The following MLKL variants were observed in gnomAD, a reference collection of about 807,000 sequenced individuals.
MLKL encodes mixed lineage kinase domain like pseudokinase.
Under a neutral mutation model 56.5 loss-of-function variants are expected in MLKL, and 55 were observed. The observed-to-expected ratio is 0.97, with a 90% confidence interval of 0.78 to 1.22. The LOEUF (loss-of-function observed/expected upper bound fraction) is 1.22. Among genes scored for constraint, MLKL ranks in the 50% most tolerant of loss-of-function variants. The pLI is 0.00. For synonymous variants in MLKL, 251 were observed against 208.3 expected (o/e 1.20, Z -1.76); for missense variants, 694 against 573.9 (o/e 1.21, Z -2.14).
chr16:74,675,113 G>A lies in MLKL; in HGVS notation c.1241-13C>T, dbSNP rs375793635. On this transcript the variant is annotated splice_polypyrimidine_tract_variant and intron_variant, in intron 9 of 10. Transcript: ENST00000308807. ...TCAGAATTACAGCCTGGAAATGATA[G>A]CATGAGAGCCTCAAAAAATTGCTCC... 8 of 1,613,226 alleles carry A rather than the reference G, an allele frequency of 5.0e-6. No homozygotes were observed. The South Asian group carries it at 5.5e-5, about 11-fold the overall frequency.
chr16:74,692,456 TA>T, intron 2 of MLKL, 40 bp from the exon 3 acceptor site: 1 of 1,514,278 alleles, frequency 6.6e-7, no homozygotes, highest in Admixed American at 1.9e-5. Context: ...AAATAGATAT[TA>T]AAATCACACG....
Position 74,682,640 on chromosome 16 carries a change from C to T in MLKL, c.956+11G>A, listed in dbSNP as rs759903556. ...TCCAACCCTTAGTGGCGCCTTTTCA[C>T]CCCGTCTTACCGGTATAGGCCTCGG... On this transcript the variant is annotated intron_variant, in intron 6 of 10. Coordinates refer to ENST00000308807, the MANE Select transcript of MLKL (RefSeq NM_152649.4). 1.2e-6 allele frequency: 2 copies of T among 1,613,440 alleles called. No individual in the cohort carries two copies. The highest frequency in any genetic ancestry group is 1.7e-6 in the Non-Finnish European group (2 of 1,179,836).
chr16:74,692,754 G>A (rs578060987), intron 2 of MLKL, among the ~76,000 whole-genome samples: 19 of 152,364 alleles, frequency 1.2e-4, no homozygotes, highest in Admixed American at 6.5e-4. Flanking sequence ...CTATACTATT[G>A]AAAGTATCCT....
intron 2 of MLKL, 119 bp downstream of exon 2, chr16:74,695,179 T>G (rs1795549757): frequency 1.8e-6 from 2 of 1,112,838 alleles, no homozygotes; most frequent in East Asian, 2.4e-5. Flanking sequence ...GCTAGGAGTT[T>G]TGAGGTACAA....
Position 74,682,707 on chromosome 16 carries a change from G to A in MLKL, c.900C>T (p.Asp300=), listed in dbSNP as rs1473980936. The change falls in exon 6 of 11, where the codon GAC becomes GAT. Residue 300 remains aspartate (D), a synonymous_variant. Transcript: ENST00000308807. ...TLRELLDREK[D]LTLGKRMVLV... is the part of the protein sequence containing the mutation. ...GGACCATGCGCTTGCCAAGTGTGAG[G>A]TCTTTTTCCCTATCCAACAGCTCCC... is the stretch of plus-strand genomic sequence containing the variant. 2 of 1,614,094 alleles carry A rather than the reference G, an allele frequency of 1.2e-6. No homozygotes were observed. Among genetic ancestry groups the A allele is most frequent in the African/African-American group, 1.3e-5 (1 of 75,008 alleles).
chr16:74,673,511 C>T (rs1959365481), intron 10 of MLKL, among the ~76,000 whole-genome samples: 1 of 152,102 alleles, frequency 6.6e-6, no homozygotes. Flanking sequence ...AGCCACTGCA[C>T]CCGGCCCCTT....
chr16:74,678,878 G>GC, intron 7 of MLKL, 21 bp downstream of exon 7: 1 of 1,605,988 alleles, frequency 6.2e-7, no homozygotes, highest in Non-Finnish European at 8.5e-7. Context: ...GACCCAAAGC[G>GC]CCCCCGCAAG....
chr16:74,692,473 C>A, intron 2 of MLKL, 57 bp from the exon 3 acceptor site: 1 of 1,409,826 alleles, frequency 7.1e-7, no homozygotes, highest in South Asian at 1.2e-5. Flanking sequence ...ACACGCCAAT[C>A]AAAACTAAAA....
chr16:74,680,523 A>G (rs1372249368), intron 6 of MLKL, among the ~76,000 whole-genome samples: 1 of 139,806 alleles, frequency 7.2e-6, no homozygotes, highest in Non-Finnish European at 1.6e-5. Flanking sequence ...TTGTTTTTTT[A>G]TGAGACGGAG....
intron 5 of MLKL, among the ~76,000 whole-genome samples, chr16:74,684,013 T>C (rs2144499636): frequency 6.6e-6 from 1 of 152,216 alleles, no homozygotes; most frequent in East Asian, 1.9e-4. Context: ...AGTGGCATGA[T>C]ATTGGCTCAC....
At chr16:74,690,661 A>G (rs1368638635) in intron 4 of MLKL, among the ~76,000 whole-genome samples, 1 of 151,958 alleles carries the variant, frequency 6.6e-6, no homozygotes, top group Non-Finnish European at 1.5e-5. Context: ...GCACACCTGC[A>G]GTCCCAGCTA....
chr16:74,695,511 A>C lies in MLKL; in HGVS notation c.247T>G (p.Ser83Ala), dbSNP rs761933582. 2.5e-5 allele frequency: 41 copies of C among 1,613,928 alleles called. No individual in the cohort carries two copies. The East Asian group carries it at 9.1e-4, about 36-fold the overall frequency. Residue 83 changes from serine to alanine, a missense_variant, in exon 2 of 11, where the codon TCC becomes GCC. Ser to Ala is a moderately conservative substitution (Grantham distance 99, BLOSUM62 1). Coordinates refer to ENST00000308807, the MANE Select transcript of MLKL (RefSeq NM_152649.4). ...NGEIEKFSNR[S>A]NICRFLTASQ... ...GCTGTTAGAAACCTGCAGATATTGGATCTATTGCTGAACTTTTCTATCTCC... is the reference window on the plus strand; with the variant it reads ...GCTGTTAGAAACCTGCAGATATTGGCTCTATTGCTGAACTTTTCTATCTCC...
At chr16:74,685,054 G>A (rs1960243487) in intron 5 of MLKL, among the ~76,000 whole-genome samples, 1 of 152,046 alleles carries the variant, frequency 6.6e-6, no homozygotes. Context: ...AGTAGAGATG[G>A]GGTTTCACCA....
intron 2 of MLKL, among the ~76,000 whole-genome samples, chr16:74,694,856 TTTTGTTTGTTTGTTTG>T (rs112051972): frequency 6.6e-6 from 1 of 150,810 alleles, no homozygotes; most frequent in African/African-American, 2.5e-5. Context: ...ATGTTAGGAG[TTTTGTTTGTTTGTTTG>T]TTTGTTTGTT....
intron 3 of MLKL, 93 bp downstream of exon 3, chr16:74,692,249 C>A (rs771354829): frequency 1.5e-5 from 17 of 1,161,370 alleles, no homozygotes; most frequent in Non-Finnish European, 1.9e-5. Context: ...AGAAAATGGA[C>A]AAATGCAGGG....
chr16:74,677,771 C>A (rs557697000), intron 7 of MLKL: 1 of 152,094 alleles, frequency 6.6e-6, no homozygotes, highest in Non-Finnish European at 1.5e-5. Context: ...CTCTGCCTCC[C>A]GGGTTCAAGT....
intron 4 of MLKL, among the ~76,000 whole-genome samples, chr16:74,688,484 T>C (rs750807058): frequency 2.6e-5 from 4 of 151,654 alleles, no homozygotes; most frequent in Non-Finnish European, 5.9e-5. Flanking sequence ...GAGGCCAAGG[T>C]GGGTGGATTG....
At position 74,682,749 on chromosome 16, in the gene MLKL, AC is replaced by A; in HGVS notation, c.857del (p.Cys286LeufsTer6). On this transcript the variant is annotated frameshift_variant, in exon 6 of 11. Coordinates refer to ENST00000308807, the MANE Select transcript of MLKL (RefSeq NM_152649.4). LOFTEE classifies it high-confidence loss of function. ...ACAGCTCCCTCAGGGTCCCGAGTTC[AC>A]AGTACTCCATGACAATGGAGAATTG... The part of the protein sequence containing the change: ...PPQFSIVMEY[C>X]ELGTLRELLD... 6.2e-7 allele frequency: 1 copy of A among 1,614,070 alleles called. No individual in the cohort carries two copies. The highest frequency in any genetic ancestry group is 1.1e-5 in the South Asian group (1 of 91,064).
intron 5 of MLKL, among the ~76,000 whole-genome samples, chr16:74,684,622 G>A (rs1378647735): frequency 6.6e-6 from 1 of 151,454 alleles, no homozygotes; most frequent in Non-Finnish European, 1.5e-5. Context: ...AGCCTCCCGA[G>A]TAGCTGGGAC....
Sources: allele counts gnomAD v4.1 joint callset (sites outside exome capture counted in the v4.1 genomes callset), GRCh38; gene constraint gnomAD v4.1.1; transcripts MANE v1.5; gene names NCBI Gene and HGNC (gene_info 2026-07-23, HGNC 2026-07-21).